ANO3: variants seen among roughly 807,000 people sequenced by gnomAD.
ANO3 encodes the protein anoctamin 3, also known as anoctamin-3.
A neutral mutation model predicts 144.8 loss-of-function variants in ANO3; 99 were observed. The ratio of observed to expected loss-of-function variants is 0.68; its 90% confidence interval spans 0.58 to 0.81. The LOEUF (loss-of-function observed/expected upper bound fraction) is 0.81. Ranked by LOEUF, ANO3 falls within the 30% of genes least tolerant of loss-of-function variation. ANO3 has a pLI of 0.00. For synonymous variants in ANO3, 414 were observed against 392.6 expected (o/e 1.05, Z -0.64); for missense variants, 905 against 1,202.2 (o/e 0.75, Z 3.66).
intron 1 of ANO3, among the ~76,000 whole-genome samples, chr11:26,438,592 C>CAAAAA (rs1227963923): frequency 8.5e-5 from 6 of 70,304 alleles, no homozygotes; most frequent in Admixed American, 1.8e-4. Flanking sequence ...ACTAAAAATA[C>CAAAAA]AAAAAAAAAA....
intron 11 of ANO3, among the ~76,000 whole-genome samples, chr11:26,546,762 C>T (rs1206472909): frequency 3.3e-5 from 5 of 151,974 alleles, no homozygotes; most frequent in African/African-American, 4.8e-5. Flanking sequence ...TCGATACTTC[C>T]TGCGATGGGT....
At chr11:26,204,718 C>T (rs1851764595) in intron 1 of ANO3, among the ~76,000 whole-genome samples, 1 of 152,058 alleles carries the variant, frequency 6.6e-6, no homozygotes, top group Admixed American at 6.6e-5. Context: ...TACAGCAGGC[C>T]ACACTTTTCT....
chr11:26,459,977 G>T (rs1322820525), intron 3 of ANO3: 5 of 292,806 alleles, frequency 1.7e-5, no homozygotes, highest in South Asian at 5.7e-5. Flanking sequence ...TTCCAGTTGT[G>T]CTGTTTTGCT....
chr11:26,405,124 C>G (rs1361323331), intron 1 of ANO3, among the ~76,000 whole-genome samples: 1 of 151,668 alleles, frequency 6.6e-6, no homozygotes, highest in Non-Finnish European at 1.5e-5. Context: ...CCTCTTCACA[C>G]TCTATGGGAT....
chr11:26,508,082 A>G, intron 4 of ANO3, 22 bp from the exon 5 acceptor site: 1 of 1,569,050 alleles, frequency 6.4e-7, no homozygotes. Flanking sequence ...CACACCATTA[A>G]CAATCATTGC....
chr11:26,550,845 C>T (rs1031815576), intron 12 of ANO3, among the ~76,000 whole-genome samples: 3 of 151,816 alleles, frequency 2.0e-5, no homozygotes, highest in Non-Finnish European at 4.4e-5. Context: ...AGAAACCTCC[C>T]TACTGTTTTT....
At chr11:26,648,729 G>A (rs1029193415) in intron 24 of ANO3, among the ~76,000 whole-genome samples, 3 of 152,174 alleles carry the variant, frequency 2.0e-5, no homozygotes, top group Non-Finnish European at 2.9e-5. Context: ...AGGAGTTGGA[G>A]GCACATGAAA....
intron 1 of ANO3, among the ~76,000 whole-genome samples, chr11:26,224,686 AG>A (rs1564923944): frequency 6.6e-6 from 1 of 152,200 alleles, no homozygotes; most frequent in East Asian, 1.9e-4. Context: ...CCTTTTGTCA[AG>A]GCTTTCTTCA....
At chr11:26,232,110 A>G (rs1273051405) in intron 1 of ANO3, among the ~76,000 whole-genome samples, 1 of 152,170 alleles carries the variant, frequency 6.6e-6, no homozygotes, top group African/African-American at 2.4e-5. Context: ...TTTTCTTTCT[A>G]GGGAACCTCC....
chr11:26,451,529 G>C (rs1242636360), intron 3 of ANO3, among the ~76,000 whole-genome samples: 1 of 152,180 alleles, frequency 6.6e-6, no homozygotes, highest in Non-Finnish European at 1.5e-5. Context: ...AGCAAGGCTG[G>C]GGGAGGAGCG....
At chr11:26,482,721 A>G (rs1412663623) in intron 4 of ANO3, among the ~76,000 whole-genome samples, 1 of 152,174 alleles carries the variant, frequency 6.6e-6, no homozygotes, top group Non-Finnish European at 1.5e-5. Flanking sequence ...AATAGTATAC[A>G]TTGTACTCAT....
upstream of ANO3, among the ~76,000 whole-genome samples, chr11:26,305,149 C>T (rs1854350059): frequency 6.8e-6 from 1 of 147,256 alleles, no homozygotes. Context: ...CATTAGCTCC[C>T]TACAAGGCAA....
At chr11:26,253,325 T>C (rs1852977909) in intron 1 of ANO3, among the ~76,000 whole-genome samples, 1 of 152,166 alleles carries the variant, frequency 6.6e-6, no homozygotes, top group Non-Finnish European at 1.5e-5. Context: ...TACCACAGGT[T>C]ATCACTTATA....
intron 4 of ANO3, among the ~76,000 whole-genome samples, chr11:26,491,139 C>A (rs1440809176): frequency 2.0e-5 from 3 of 152,182 alleles, no homozygotes; most frequent in African/African-American, 7.2e-5. Context: ...TATTCTTGTA[C>A]ATTTTTCCCC....
chr11:26,212,030 G>A (rs1851943576), intron 1 of ANO3, among the ~76,000 whole-genome samples: 1 of 152,056 alleles, frequency 6.6e-6, no homozygotes. Flanking sequence ...GACACAGGGA[G>A]GGGAATATCA....
intron 1 of ANO3, among the ~76,000 whole-genome samples, chr11:26,361,783 C>A (rs1341271087): frequency 6.6e-6 from 1 of 152,150 alleles, no homozygotes; most frequent in African/African-American, 2.4e-5. Flanking sequence ...GCAACAAACT[C>A]TTTATTTAAG....
At chr11:26,503,750 A>T (rs1861293643) in intron 4 of ANO3, among the ~76,000 whole-genome samples, 1 of 152,132 alleles carries the variant, frequency 6.6e-6, no homozygotes, top group African/African-American at 2.4e-5. Flanking sequence ...TGGATTTTTA[A>T]AACAGATAGC....
At chr11:26,453,565 C>A (rs1859030725) in intron 3 of ANO3, among the ~76,000 whole-genome samples, 1 of 151,960 alleles carries the variant, frequency 6.6e-6, no homozygotes, top group Admixed American at 6.6e-5. Flanking sequence ...TACAGGAGCA[C>A]CCAGATTCAT....
intron 4 of ANO3, 63 bp downstream of exon 4, chr11:26,463,211 T>G (rs892635217): frequency 2.5e-6 from 2 of 813,750 alleles, no homozygotes; most frequent in African/African-American, 3.5e-5. Flanking sequence ...CCTTACAATA[T>G]TCATCTACAT....
Sources: allele counts gnomAD v4.1 joint callset (sites outside exome capture counted in the v4.1 genomes callset), GRCh38; gene constraint gnomAD v4.1.1; transcripts MANE v1.5; gene names NCBI Gene and HGNC (gene_info 2026-07-23, HGNC 2026-07-21).